CHST9: variants seen among roughly 807,000 people sequenced by gnomAD.
CHST9 encodes GalNAc-4-sulfotransferase 2.
In CHST9, 41 loss-of-function variants were observed where a neutral mutation model predicts 44.4. That is an observed-to-expected ratio of 0.92 (90% confidence interval 0.72 to 1.20). CHST9 has a LOEUF of 1.20. Among genes scored for constraint, CHST9 ranks in the 50% most tolerant of loss-of-function variants. The probability of loss-of-function intolerance (pLI) is 0.00; values close to 1 mark genes in which losing one functional copy is unlikely to be tolerated. For missense variants in CHST9, 504 were observed against 516.5 expected (o/e 0.98, Z 0.23); for synonymous variants, 171 against 178.4 (o/e 0.96, Z 0.33).
chr18:27,024,292 C>A, intron 3 of CHST9, 135 bp from the exon 4 acceptor site: 1 of 682,310 alleles, frequency 1.5e-6, no homozygotes, highest in South Asian at 2.0e-5. Context: ...GGGAGAGGGT[C>A]ATGAAATAAA....
intron 2 of CHST9, among the ~76,000 whole-genome samples, chr18:27,119,492 T>C (rs563440248): frequency 1.3e-4 from 20 of 152,286 alleles, no homozygotes; most frequent in South Asian, 6.2e-4. Flanking sequence ...CCCATGAATA[T>C]TATCTCTGTT....
At chr18:27,140,953 T>C (rs1046006665) in intron 2 of CHST9, among the ~76,000 whole-genome samples, 31 of 152,180 alleles carry the variant, frequency 2.0e-4, no homozygotes, top group African/African-American at 6.8e-4. Flanking sequence ...AAAGTTACTA[T>C]ATAAATTAAA....
intron 4 of CHST9, among the ~76,000 whole-genome samples, chr18:26,975,092 C>T (rs977633318): frequency 1.3e-5 from 2 of 152,198 alleles, no homozygotes; most frequent in African/African-American, 4.8e-5. Context: ...CTTTTGATAA[C>T]ACACCTACTG....
intron 4 of CHST9, among the ~76,000 whole-genome samples, chr18:26,978,969 A>G (rs1401968231): frequency 4.6e-5 from 7 of 151,926 alleles, no homozygotes; most frequent in African/African-American, 1.5e-4. Flanking sequence ...GACAAGGCCT[A>G]TCTGTGGTTT....
At position 27,110,480 on chromosome 18, in the gene CHST9, A is replaced by G. The variant is rs989844819; in HGVS notation, c.121+32209T>C. 4.6e-5 allele frequency among the ~76,000 whole-genome samples: 7 copies of G among 152,326 alleles called. No individual in the cohort carries two copies. The South Asian group carries it at 1.5e-3, about 32-fold the overall frequency. ...CTAGTTACTCTCTGGGCCACCTGTC[A>G]TCATGTAACCAAATTACTTCCAGTT... is the stretch of plus-strand genomic sequence containing the variant. On this transcript the variant is annotated intron_variant, in intron 2 of 5. Transcript: ENST00000618847.
At chr18:27,014,114 T>G (rs2057117782) in intron 4 of CHST9, among the ~76,000 whole-genome samples, 1 of 152,138 alleles carries the variant, frequency 6.6e-6, no homozygotes, top group Non-Finnish European at 1.5e-5. Flanking sequence ...CATGTGCACT[T>G]CATTAAAGTC....
chr18:27,142,840 T>G lies in CHST9; in HGVS notation c.-31A>C. ...CTTATTTCAGAATCTGAAGACCACA[T>G]GATTTGTTTTCCCGTAAAACTTCAG... is the stretch of plus-strand genomic sequence containing the variant. On this transcript the variant is annotated 5_prime_UTR_variant, in exon 2 of 6. An upstream start codon of the reference 5' UTR is lost. Transcript: ENST00000618847. The G allele has an allele frequency of 6.4e-7, 1 of 1,566,954 alleles. No individual in the cohort carries two copies. The highest frequency in any genetic ancestry group is 8.6e-7 in the Non-Finnish European group (1 of 1,159,124).
At chr18:26,949,864 G>C (rs745632721) in intron 4 of CHST9, among the ~76,000 whole-genome samples, 1 of 152,178 alleles carries the variant, frequency 6.6e-6, no homozygotes, top group African/African-American at 2.4e-5. Context: ...AGCAGCAGGG[G>C]TCGGAGTAAT....
chr18:27,060,892 G>C (rs1357962284), intron 2 of CHST9, among the ~76,000 whole-genome samples: 1 of 152,210 alleles, frequency 6.6e-6, no homozygotes, highest in Non-Finnish European at 1.5e-5. Flanking sequence ...CTCCCAAGTA[G>C]CTGGGATTAC....
Position 26,916,625 on chromosome 18 carries a change from T to C in CHST9, c.966A>G (p.Leu322=). 4 of 1,613,880 alleles carry C rather than the reference T, an allele frequency of 2.5e-6. 1 individual carries two copies. In the South Asian group the frequency reaches 4.4e-5, roughly 18 times the overall value. The change falls in exon 6 of 6, where the codon TTA becomes TTG. Residue 322 remains leucine (L), a synonymous_variant. Coordinates refer to ENST00000618847, the MANE Select transcript of CHST9 (RefSeq NM_031422.6). The part of the protein sequence containing the change: ...KYRPNACEEA[L]INGSGVKFKE... ...TGAACTTGACTCCAGATCCATTAAT[T>C]AATGCTTCTTCACAGGCATTTGGTC...
At chr18:27,000,915 T>C (rs540158999) in intron 4 of CHST9, among the ~76,000 whole-genome samples, 9 of 152,308 alleles carry the variant, frequency 5.9e-5, no homozygotes, top group East Asian at 3.9e-4. Flanking sequence ...CTGAATTGTC[T>C]AATCACATCT....
At chr18:26,985,799 C>T (rs1182768024) in intron 4 of CHST9, among the ~76,000 whole-genome samples, 1 of 152,076 alleles carries the variant, frequency 6.6e-6, no homozygotes, top group Non-Finnish European at 1.5e-5. Context: ...GGGAACAGTG[C>T]CTATTCCTAC....
chr18:26,926,446 G>T (rs232330), intron 5 of CHST9, among the ~76,000 whole-genome samples: 65,176 of 151,948 alleles, frequency 0.43, 14,427 homozygotes, highest in East Asian at 0.71. Flanking sequence ...CATCAGAAGC[G>T]GAAAACTGAC....
intron 4 of CHST9, among the ~76,000 whole-genome samples, chr18:26,945,325 C>T (rs906283706): frequency 2.0e-5 from 3 of 152,278 alleles, no homozygotes; most frequent in African/African-American, 7.2e-5. Context: ...AGCTATAGTA[C>T]AATATTACAA....
At chr18:27,057,279 C>T (rs1337911136) in intron 2 of CHST9, among the ~76,000 whole-genome samples, 1 of 152,178 alleles carries the variant, frequency 6.6e-6, no homozygotes, top group Non-Finnish European at 1.5e-5. Flanking sequence ...TTATGTACTA[C>T]ATTGTAAGAG....
At chr18:27,111,479 G>T (rs2058270191) in intron 2 of CHST9, among the ~76,000 whole-genome samples, 1 of 152,164 alleles carries the variant, frequency 6.6e-6, no homozygotes, top group Non-Finnish European at 1.5e-5. Flanking sequence ...TGCTCAGGAG[G>T]GACAGGCATG....
chr18:26,990,175 T>G lies in CHST9; in HGVS notation c.202+33941A>C, dbSNP rs2056799998. On this transcript the variant is annotated intron_variant, in intron 4 of 5. Transcript: ENST00000618847. Reference sequence around the variant, plus strand: ...AGTACATACCATATGATTCCATTTATGTAAAACTCTAGAAAATATAAAATG... The same window carrying G: ...AGTACATACCATATGATTCCATTTAGGTAAAACTCTAGAAAATATAAAATG... Among the ~76,000 whole-genome samples the G allele has an allele frequency of 2.0e-5, 3 of 152,186 alleles. No individual in the cohort carries two copies. The South Asian group carries it at 6.2e-4, about 31-fold the overall frequency.
intron 4 of CHST9, among the ~76,000 whole-genome samples, chr18:26,952,934 T>C (rs2056271215): frequency 6.6e-6 from 1 of 152,136 alleles, no homozygotes; most frequent in South Asian, 2.1e-4. Context: ...AAAACCAATA[T>C]GATTGGTCTT....
chr18:27,030,546 T>A (rs1009739635), intron 3 of CHST9, among the ~76,000 whole-genome samples: 3 of 152,228 alleles, frequency 2.0e-5, no homozygotes, highest in Non-Finnish European at 4.4e-5. Context: ...AAATAAGTGC[T>A]TCTTTTCAGG....
Sources: allele counts gnomAD v4.1 joint callset (sites outside exome capture counted in the v4.1 genomes callset), GRCh38; gene constraint gnomAD v4.1.1; transcripts MANE v1.5; gene names NCBI Gene and HGNC (gene_info 2026-07-23, HGNC 2026-07-21).